The following ADAM17 variants were observed in gnomAD, a reference collection of about 807,000 sequenced individuals.
The protein encoded by ADAM17 is disintegrin and metalloproteinase domain-containing protein 17.
In ADAM17, 39 loss-of-function variants were observed where a neutral mutation model predicts 96.7. The observed-to-expected ratio is 0.40, with a 90% CI of 0.31 to 0.53. ADAM17 has a LOEUF of 0.53. Among genes scored for constraint, ADAM17 ranks in the 20% least tolerant of loss-of-function variants. ADAM17 has a pLI of 0.44. For missense variants in ADAM17, 777 were observed against 1,013.2 expected (o/e 0.77, Z 3.17); for synonymous variants, 344 against 359.2 (o/e 0.96, Z 0.48).
intron 4 of ADAM17, among the ~76,000 whole-genome samples, chr2:9,531,345 A>T (rs1024755265): frequency 6.6e-6 from 1 of 151,638 alleles, no homozygotes; most frequent in African/African-American, 2.4e-5. Flanking sequence ...AGGTGGGCAG[A>T]TCACAAGGTC....
At chr2:9,546,679 C>T (rs1665413567) in intron 1 of ADAM17, among the ~76,000 whole-genome samples, 1 of 151,282 alleles carries the variant, frequency 6.6e-6, no homozygotes, top group Non-Finnish European at 1.5e-5. Context: ...CAGACACTGC[C>T]GCACTGTCTA....
At chr2:9,552,095 T>A (rs1665606484) in intron 1 of ADAM17, among the ~76,000 whole-genome samples, 1 of 152,210 alleles carries the variant, frequency 6.6e-6, no homozygotes, top group Admixed American at 6.5e-5. Context: ...AAGCCTTTCA[T>A]TTCACTTCCG....
At chr2:9,545,321 C>A (rs1211584573) in intron 1 of ADAM17, among the ~76,000 whole-genome samples, 3 of 152,168 alleles carry the variant, frequency 2.0e-5, no homozygotes, top group South Asian at 2.1e-4. Context: ...GTAATCCCAG[C>A]ACTTGGAGAG....
intron 10 of ADAM17, among the ~76,000 whole-genome samples, chr2:9,510,588 CA>C (rs540501882): frequency 8.0e-4 from 122 of 151,948 alleles, no homozygotes; most frequent in Non-Finnish European, 1.6e-3. Context: ...TGCTTGAACC[CA>C]GGGGGCGGAG....
At chr2:9,547,211 A>T (rs187814877) in intron 1 of ADAM17, among the ~76,000 whole-genome samples, 1 of 152,250 alleles carries the variant, frequency 6.6e-6, no homozygotes, top group East Asian at 1.9e-4. Context: ...TCTTGCACAC[A>T]CATTCTACAC....
chr2:9,541,291 G>A (rs943701663), intron 2 of ADAM17, among the ~76,000 whole-genome samples: 4 of 152,116 alleles, frequency 2.6e-5, no homozygotes, highest in Non-Finnish European at 5.9e-5. Context: ...GGTCGGGCAC[G>A]GTGGCTCACA....
intron 14 of ADAM17, 67 bp downstream of exon 14, chr2:9,497,047 G>A (rs1446399817): frequency 7.6e-6 from 12 of 1,577,054 alleles, no homozygotes; most frequent in Non-Finnish European, 1.0e-5. Context: ...TCCAAATGGA[G>A]GAAGGGAGCC....
At chr2:9,542,721 C>T (rs1665256908) in intron 2 of ADAM17, among the ~76,000 whole-genome samples, 1 of 152,076 alleles carries the variant, frequency 6.6e-6, no homozygotes, top group African/African-American at 2.4e-5. Flanking sequence ...TTTTTTGAGA[C>T]AGAGTCTCAC....
chr2:9,491,180 C>G, intron 17 of ADAM17, 29 bp from the exon 18 acceptor site: 2 of 1,596,946 alleles, frequency 1.3e-6, no homozygotes, highest in Non-Finnish European at 1.7e-6. Context: ...AAGGTCATTC[C>G]CTACAAATAC....
intron 1 of ADAM17, among the ~76,000 whole-genome samples, chr2:9,551,171 T>C (rs1482976615): frequency 6.7e-6 from 1 of 149,432 alleles, no homozygotes; most frequent in African/African-American, 2.5e-5. Context: ...AGGTCAGAGA[T>C]ACACGTCTAG....
chr2:9,536,456 TAAG>T (rs751755309), intron 3 of ADAM17, among the ~76,000 whole-genome samples: 11 of 152,152 alleles, frequency 7.2e-5, no homozygotes, highest in African/African-American at 1.4e-4. Context: ...TCCTATCACT[TAAG>T]AAGAATTTAA....
At chr2:9,531,809 A>G (rs1215920503) in intron 4 of ADAM17, among the ~76,000 whole-genome samples, 1 of 151,934 alleles carries the variant, frequency 6.6e-6, no homozygotes, top group African/African-American at 2.4e-5. Context: ...GGTTTAAAAT[A>G]TTTAACGGCT....
At chr2:9,519,674 C>G (rs936843954) in intron 8 of ADAM17, among the ~76,000 whole-genome samples, 5 of 152,110 alleles carry the variant, frequency 3.3e-5, no homozygotes, top group African/African-American at 9.7e-5. Context: ...ATGGGTGGGC[C>G]TTAATCCAAT....
intron 3 of ADAM17, among the ~76,000 whole-genome samples, chr2:9,536,428 G>A (rs1361551255): frequency 3.0e-4 from 46 of 152,070 alleles, no homozygotes; most frequent in Admixed American, 2.9e-3. Flanking sequence ...CAGTCACTGA[G>A]GAAAAGAAAG....
intron 4 of ADAM17, among the ~76,000 whole-genome samples, chr2:9,531,344 G>A (rs1277902101): frequency 6.6e-6 from 1 of 151,330 alleles, no homozygotes; most frequent in East Asian, 2.0e-4. Context: ...GAGGTGGGCA[G>A]ATCACAAGGT....
At chr2:9,502,710 C>G (rs1171077846) in intron 12 of ADAM17, among the ~76,000 whole-genome samples, 2 of 151,786 alleles carry the variant, frequency 1.3e-5, no homozygotes, top group Non-Finnish European at 2.9e-5. Context: ...GAAACCCCAT[C>G]TCTACTAAAA....
At position 9,526,409 on chromosome 2, in the gene ADAM17, G is replaced by A. The variant is rs2125026164; in HGVS notation, c.620-165C>T. The A allele has an allele frequency of 6.6e-6, 5 of 761,846 alleles. No individual in the cohort carries two copies. The East Asian group carries it at 1.4e-4, about 21-fold the overall frequency. The allele number at this position is 761,846 out of a possible 1,614,324, so 47.2% of individuals were successfully genotyped here. A position where few individuals can be genotyped will look rare whatever the true frequency, so the allele number is the denominator to read the frequency against. ...AAATAATTTGGAGGAAGACAGAAAA[G>A]TGAAAAGTAACATAAAGTTAAAACA... On this transcript the variant is annotated intron_variant, in intron 5 of 18. Coordinates refer to ENST00000310823, the MANE Select transcript of ADAM17 (RefSeq NM_003183.6).
chr2:9,555,270 A>G (rs1665704399), intron 1 of ADAM17, among the ~76,000 whole-genome samples: 1 of 152,104 alleles, frequency 6.6e-6, no homozygotes, highest in Non-Finnish European at 1.5e-5. Flanking sequence ...AACCCCTCTC[A>G]GGCGCTCAGT....
At chr2:9,544,726 T>C (rs1665341040) in intron 1 of ADAM17, among the ~76,000 whole-genome samples, 2 of 151,580 alleles carry the variant, frequency 1.3e-5, no homozygotes, top group South Asian at 4.2e-4. Flanking sequence ...CTCATGAGGC[T>C]GAGGCAGAAG....
Sources: gnomAD v4.1 joint callset for allele counts (sites outside exome capture counted in the v4.1 genomes callset) on GRCh38, gnomAD v4.1.1 for gene constraint, MANE v1.5 for transcripts, NCBI Gene and HGNC (gene_info 2026-07-23, HGNC 2026-07-21) for gene names.